PCDHA5: variants seen among roughly 807,000 people sequenced by gnomAD.
PCDHA5 encodes the protein protocadherin alpha-5.
Under a neutral mutation model 61.6 loss-of-function variants are expected in PCDHA5, and 43 were observed. The ratio of observed to expected loss-of-function variants is 0.70; its 90% CI spans 0.55 to 0.90. PCDHA5 has a LOEUF of 0.90. PCDHA5 is among the 40% of genes least tolerant of loss of function. The pLI is 0.00. For synonymous variants in PCDHA5, 627 were observed against 543.9 expected (o/e 1.15, Z -2.13); for missense variants, 1,298 against 1,222.7 (o/e 1.06, Z -0.92).
intron 1 of PCDHA5, chr5:140,858,461 C>G: frequency 1.3e-6 from 2 of 1,524,640 alleles, no homozygotes; most frequent in Non-Finnish European, 1.8e-6. Flanking sequence ...TTTCATTTTC[C>G]TTTTGTGCTT....
chr5:140,910,175 T>C (rs1296033470), intron 1 of PCDHA5, among the ~76,000 whole-genome samples: 1 of 152,240 alleles, frequency 6.6e-6, no homozygotes. Flanking sequence ...CCTCTGTTTT[T>C]ATAATTCAAA....
In PCDHA5 at chr5:140,822,000, G is replaced by A. The variant is rs2150112853; in HGVS notation, c.225G>A (p.Glu75=). ...VASKGRGDLL[E]VNLQNGILFV... is the part of the protein sequence containing the mutation. ...CCAAGGGCCGCGGGGACCTTCTGGA[G>A]GTAAATCTGCAGAATGGCATTTTGT... Residue 75 remains glutamate (E), a synonymous_variant, in exon 1 of 4, where the codon GAG becomes GAA. Coordinates refer to ENST00000529859, the MANE Select transcript of PCDHA5 (RefSeq NM_018908.3). 1.5e-5 allele frequency: 25 copies of A among 1,614,078 alleles called. No individual in the cohort carries two copies. In the Admixed American group the frequency reaches 3.8e-4, roughly 25 times the overall value.
chr5:140,863,055 G>T (rs570398935), intron 1 of PCDHA5: 9 of 563,522 alleles, frequency 1.6e-5, no homozygotes, highest in African/African-American at 1.3e-4. Context: ...GGCAGCACCC[G>T]TTCCACGTGG....
In PCDHA5 at chr5:140,923,554, G is replaced by T. The variant is rs117642898; in HGVS notation, c.2353-55395G>T. Among the ~76,000 whole-genome samples the T allele has an allele frequency of 6.2e-4, 95 of 152,226 alleles. No individual in the cohort carries two copies. The East Asian group carries it at 0.017, about 28-fold the overall frequency. On this transcript the variant is annotated intron_variant, in intron 1 of 3. Coordinates refer to ENST00000529859, the MANE Select transcript of PCDHA5 (RefSeq NM_018908.3). ...AAAAAAAGGACAAAATGAAATATCA[G>T]CAATGAAAGGTCCTGCTAAAGAGAA...
intron 1 of PCDHA5, among the ~76,000 whole-genome samples, chr5:140,895,594 T>C (rs2065067713): frequency 6.6e-6 from 1 of 152,228 alleles, no homozygotes; most frequent in Admixed American, 6.5e-5. Flanking sequence ...GATATATAAT[T>C]TGCAAAGATT....
At chr5:140,864,271 A>T (rs2048397543) in intron 1 of PCDHA5, 1 of 152,134 alleles carries the variant, frequency 6.6e-6, no homozygotes, top group African/African-American at 2.4e-5. Context: ...TGTGTCCTCC[A>T]TTCCTTATTG....
chr5:140,821,966 G>T lies in PCDHA5; in HGVS notation c.191G>T (p.Arg64Leu), dbSNP rs1280808656. The change falls in exon 1 of 4, where the codon CGG becomes CTG. Residue 64 changes from arginine (R) to leucine (L), a missense_variant. Physicochemically the swap from Arg to Leu is moderately radical, Grantham distance 102. Transcript: ENST00000529859. ...GCGGAGCTGGTGCCGCGCCTGTTCC[G>T]GGTGGCGTCCAAGGGCCGCGGGGAC... Reference protein sequence around the residue: ...ELAELVPRLFRVASKGRGDLL... With the variant: ...ELAELVPRLFLVASKGRGDLL... 1 of 1,614,052 alleles carries T rather than the reference G, an allele frequency of 6.2e-7. No homozygotes were observed. The highest frequency in any genetic ancestry group is 1.3e-5 in the African/African-American group (1 of 74,940).
chr5:140,926,548 A>C, intron 1 of PCDHA5: 1 of 226,392 alleles, frequency 4.4e-6, no homozygotes, highest in Non-Finnish European at 8.5e-6. Flanking sequence ...GGTGGTCGAG[A>C]CCCCAGCCCG....
At chr5:140,926,613 C>T (rs868988407) in intron 1 of PCDHA5, 87 of 374,818 alleles carry the variant, frequency 2.3e-4, no homozygotes, top group Middle Eastern at 2.1e-3. Context: ...GTCTCTGCAC[C>T]CCTAGGCGGC....
intron 1 of PCDHA5, among the ~76,000 whole-genome samples, chr5:140,898,157 G>A (rs1455235992): frequency 1.3e-5 from 2 of 152,162 alleles, no homozygotes; most frequent in South Asian, 4.1e-4. Context: ...CACGCTGATG[G>A]TGGTTTCTTT....
At chr5:140,936,433 G>A (rs907839925) in intron 1 of PCDHA5, among the ~76,000 whole-genome samples, 4 of 152,126 alleles carry the variant, frequency 2.6e-5, no homozygotes, top group Admixed American at 2.6e-4. Flanking sequence ...ATTAATTTAA[G>A]CTTAAATAAC....
chr5:140,923,343 T>C (rs1251719779), intron 1 of PCDHA5, among the ~76,000 whole-genome samples: 1 of 152,122 alleles, frequency 6.6e-6, no homozygotes, highest in African/African-American at 2.4e-5. Flanking sequence ...TTGGGCAACA[T>C]AGTGGGACCC....
intron 1 of PCDHA5, chr5:140,828,223 C>A (rs1417761655): frequency 1.2e-6 from 2 of 1,613,878 alleles, no homozygotes; most frequent in African/African-American, 2.7e-5. Context: ...ACGGCACCTT[C>A]GTGGGCCGGA....
intron 1 of PCDHA5, chr5:140,854,657 T>C (rs1554147373): frequency 6.7e-6 from 1 of 149,998 alleles, no homozygotes; most frequent in Non-Finnish European, 1.5e-5. Context: ...ATAAAATAAA[T>C]TAACCCTTGC....
At chr5:140,855,984 A>G in intron 1 of PCDHA5, 1 of 1,472,240 alleles carries the variant, frequency 6.8e-7, no homozygotes, top group East Asian at 2.3e-5. Flanking sequence ...AGGACAGAAA[A>G]TGTCAGATCG....
At position 140,869,859 on chromosome 5, in the gene PCDHA5, G is replaced by A. The variant is rs1368092611; in HGVS notation, c.2352+45732G>A. 4 of 1,610,412 alleles carry A rather than the reference G, an allele frequency of 2.5e-6. No homozygotes were observed. In the East Asian group the frequency reaches 8.9e-5, roughly 36 times the overall value. The stretch of plus-strand genomic sequence containing the variant: ...AATCAGAATATAAGGTGAGCCTTAT[G>A]GAAAATGCTGCTAAAGAAACTCTTG... On this transcript the variant is annotated intron_variant, in intron 1 of 3. Coordinates refer to ENST00000529859, the MANE Select transcript of PCDHA5 (RefSeq NM_018908.3).
intron 1 of PCDHA5, chr5:140,836,813 T>A (rs984631065): frequency 8.2e-7 from 1 of 1,217,894 alleles, no homozygotes; most frequent in African/African-American, 1.5e-5. Flanking sequence ...TTTTCTTTCA[T>A]AATTTCTTTT....
chr5:140,962,855 G>A (rs556272423), intron 1 of PCDHA5, among the ~76,000 whole-genome samples: 286 of 152,196 alleles, frequency 1.9e-3, no homozygotes, highest in Admixed American at 3.8e-3. Context: ...CTTGTGCTCG[G>A]TTTGTAGAGC....
chr5:140,849,038 C>T, intron 1 of PCDHA5: 5 of 1,575,008 alleles, frequency 3.2e-6, no homozygotes, highest in Non-Finnish European at 4.3e-6. Context: ...TCTTCCTGGA[C>T]GTGCCAACCA....
Sources: allele counts gnomAD v4.1 joint callset (sites outside exome capture counted in the v4.1 genomes callset), GRCh38; gene constraint gnomAD v4.1.1; transcripts MANE v1.5; gene names NCBI Gene and HGNC (gene_info 2026-07-23, HGNC 2026-07-21).